CECR2: variants seen among roughly 807,000 people sequenced by gnomAD.
The protein encoded by CECR2 is chromatin remodeling regulator CECR2.
CECR2 carries 30 observed loss-of-function variants against 154.5 expected under a neutral mutation model. The ratio of observed to expected loss-of-function variants is 0.19; its 90% CI spans 0.15 to 0.26. The LOEUF is 0.26. Ranked by LOEUF, CECR2 falls within the 10% of genes least tolerant of loss-of-function variation. The pLI, the probability that CECR2 is intolerant of heterozygous loss-of-function variation, is 1.00. For missense variants in CECR2, 1,743 were observed against 1,829.3 expected, an observed-to-expected ratio of 0.95 and a Z score of 0.86; for synonymous variants, 725 against 683.7, an observed-to-expected ratio of 1.06 and a Z score of -0.94.
At chr22:17,477,082 A>G (rs2055220278) in intron 1 of CECR2, 1 of 716,578 alleles carries the variant, frequency 1.4e-6, no homozygotes, top group Non-Finnish European at 2.6e-6. Flanking sequence ...AAAAATTGTC[A>G]TTATCACTTA....
chr22:17,422,342 C>T (rs1186532862), intron 1 of CECR2, among the ~76,000 whole-genome samples: 1 of 152,070 alleles, frequency 6.6e-6, no homozygotes, highest in East Asian at 1.9e-4. Context: ...GGATTACAGG[C>T]GCGCGCCACC....
chr22:17,547,878 C>A (rs1057241301), intron 16 of CECR2, among the ~76,000 whole-genome samples: 6 of 152,156 alleles, frequency 3.9e-5, no homozygotes, highest in Non-Finnish European at 1.5e-5. Flanking sequence ...ACGAATCGGG[C>A]AACCCACGGT....
intron 8 of CECR2, among the ~76,000 whole-genome samples, chr22:17,515,354 G>A (rs1038492792): frequency 1.3e-4 from 20 of 152,224 alleles, no homozygotes; most frequent in Non-Finnish European, 1.9e-4. Context: ...ACAGCTGGGC[G>A]TGGCCGGTGC....
chr22:17,517,844 T>G (rs553164016), intron 8 of CECR2, among the ~76,000 whole-genome samples: 1 of 152,340 alleles, frequency 6.6e-6, no homozygotes, highest in African/African-American at 2.4e-5. Flanking sequence ...TTTTTATCAT[T>G]GCGTTTATTC....
At position 17,398,276 on chromosome 22, in the gene CECR2, C is replaced by T. The variant is rs1323668274; in HGVS notation, c.126+28367C>T. ...GTTGGGCCCAAGAAAGCTGGACTGCCGGCCTGGTATGACTCGTCCGATCTG... is the reference window on the plus strand; with the variant it reads ...GTTGGGCCCAAGAAAGCTGGACTGCTGGCCTGGTATGACTCGTCCGATCTG... On this transcript the variant is annotated intron_variant, in intron 1 of 18. Coordinates refer to ENST00000262608, the MANE Select transcript of CECR2 (RefSeq NM_001290047.2). Among the ~76,000 whole-genome samples, 8 of 152,050 alleles carry T rather than the reference C, an allele frequency of 5.3e-5. No homozygotes were observed. In the South Asian group the frequency reaches 1.2e-3, roughly 24 times the overall value.
intron 1 of CECR2, among the ~76,000 whole-genome samples, chr22:17,420,561 T>C (rs2054230748): frequency 6.6e-6 from 1 of 152,194 alleles, no homozygotes; most frequent in South Asian, 2.1e-4. Flanking sequence ...TTGGTTAGTG[T>C]GTTATTTATT....
chr22:17,532,171 A>C (rs761439069), intron 9 of CECR2, among the ~76,000 whole-genome samples: 7 of 152,152 alleles, frequency 4.6e-5, no homozygotes, highest in African/African-American at 1.7e-4. Context: ...TGTCTCAAAA[A>C]AAGGAAGGGG....
intron 1 of CECR2, among the ~76,000 whole-genome samples, chr22:17,475,271 G>A (rs150169138): frequency 8.5e-5 from 13 of 152,218 alleles, no homozygotes; most frequent in East Asian, 1.9e-4. Context: ...TGGTTGGGGC[G>A]GTCACTGTAA....
At chr22:17,442,873 C>T (rs536283219) in intron 1 of CECR2, among the ~76,000 whole-genome samples, 4 of 152,320 alleles carry the variant, frequency 2.6e-5, no homozygotes, top group African/African-American at 9.6e-5. Context: ...TAGTAATTCA[C>T]AGGCTTCCCT....
At chr22:17,393,504 T>C (rs929773168) in intron 1 of CECR2, among the ~76,000 whole-genome samples, 3 of 152,218 alleles carry the variant, frequency 2.0e-5, no homozygotes, top group African/African-American at 7.2e-5. Context: ...TGTGAGGACA[T>C]GTGTTTTCAG....
chr22:17,457,273 C>T (rs908954504), intron 1 of CECR2, among the ~76,000 whole-genome samples: 2 of 152,190 alleles, frequency 1.3e-5, no homozygotes, highest in African/African-American at 2.4e-5. Context: ...GTGATCCACC[C>T]GCCTCGGCCT....
intron 2 of CECR2, among the ~76,000 whole-genome samples, chr22:17,495,662 A>C (rs1398868314): frequency 5.3e-5 from 8 of 151,598 alleles, no homozygotes; most frequent in Admixed American, 4.6e-4. Context: ...GGAAATCGAG[A>C]CCATCCTGGC....
chr22:17,432,285 G>A (rs1446453292), intron 1 of CECR2, among the ~76,000 whole-genome samples: 3 of 152,252 alleles, frequency 2.0e-5, no homozygotes, highest in African/African-American at 7.2e-5. Flanking sequence ...GTTTATTTAT[G>A]TTGTGGCAGG....
At chr22:17,437,430 G>A (rs1239474684) in intron 1 of CECR2, among the ~76,000 whole-genome samples, 1 of 152,080 alleles carries the variant, frequency 6.6e-6, no homozygotes, top group African/African-American at 2.4e-5. Context: ...AAATGTTAAA[G>A]GGGCCGCCTT....
intron 7 of CECR2, among the ~76,000 whole-genome samples, chr22:17,505,585 G>C (rs1051895308): frequency 3.2e-5 from 4 of 126,686 alleles, no homozygotes; most frequent in Non-Finnish European, 6.2e-5. Context: ...CCAGGCTGCA[G>C]TGCAGCGGTG....
At chr22:17,509,567 T>TC (rs1304539264) in intron 7 of CECR2, among the ~76,000 whole-genome samples, 3 of 152,118 alleles carry the variant, frequency 2.0e-5, no homozygotes, top group African/African-American at 7.2e-5. Flanking sequence ...GTACCTGGAC[T>TC]ATAGGCACAC....
chr22:17,460,930 C>A (rs1342709984), intron 1 of CECR2, among the ~76,000 whole-genome samples: 1 of 152,146 alleles, frequency 6.6e-6, no homozygotes, highest in Non-Finnish European at 1.5e-5. Flanking sequence ...AGTGTTTCAT[C>A]CCCACAAAAA....
intron 2 of CECR2, among the ~76,000 whole-genome samples, chr22:17,480,278 CA>C (rs2055284434): frequency 1.3e-5 from 2 of 152,152 alleles, no homozygotes; most frequent in South Asian, 4.2e-4. Flanking sequence ...CTTAAAACCA[CA>C]AAAAGTGTAA....
At chr22:17,535,061 G>C (rs1304773676) in intron 9 of CECR2, among the ~76,000 whole-genome samples, 1 of 151,960 alleles carries the variant, frequency 6.6e-6, no homozygotes, top group Non-Finnish European at 1.5e-5. Flanking sequence ...TGAGGCAGGA[G>C]AATGACGTGA....
Sources: gnomAD v4.1 joint callset for allele counts (sites outside exome capture counted in the v4.1 genomes callset) on GRCh38, gnomAD v4.1.1 for gene constraint, MANE v1.5 for transcripts, NCBI Gene and HGNC (gene_info 2026-07-23, HGNC 2026-07-21) for gene names.